Variants in ZDHHC21 observed in about 807,000 individuals in gnomAD.
The protein encoded by ZDHHC21 is palmitoyltransferase ZDHHC21.
A neutral mutation model predicts 34.6 loss-of-function variants in ZDHHC21; 15 were observed. That is an observed-to-expected ratio of 0.43 (90% CI 0.29 to 0.67). The LOEUF (loss-of-function observed/expected upper bound fraction) is 0.67. Ranked by LOEUF, ZDHHC21 falls within the 30% of genes least tolerant of loss-of-function variation. ZDHHC21 has a pLI of 0.14. For missense variants in ZDHHC21, 344 were observed against 327.7 expected, an observed-to-expected ratio of 1.05 and a Z score of -0.38; for synonymous variants, 142 against 101.8, an observed-to-expected ratio of 1.40 and a Z score of -2.38.
At chr9:14,671,825 A>G (rs1587366260) in intron 5 of ZDHHC21, among the ~76,000 whole-genome samples, 1 of 152,166 alleles carries the variant, frequency 6.6e-6, no homozygotes, top group African/African-American at 2.4e-5. Context: ...TCAATAAACC[A>G]TTTTTAAACA....
rs371576223 is a variant in ZDHHC21 at position 14,622,687 on chromosome 9, C to T, written c.622-3005G>A. The T allele has an allele frequency of 7.1e-6, 7 of 985,094 alleles. No individual in the cohort carries two copies. The South Asian group carries it at 2.4e-4, about 33-fold the overall frequency. 61.0% of individuals were successfully genotyped at this position (985,094 alleles called of 1,614,324 possible). ...AAGAATGTGCTGAAGAGTCCTTTGG[C>T]ACACCTGACAATCGCACATAAAGGA... On this transcript the variant is annotated intron_variant, in intron 8 of 9. Coordinates refer to ENST00000380916, the MANE Select transcript of ZDHHC21 (RefSeq NM_178566.6).
intron 6 of ZDHHC21, among the ~76,000 whole-genome samples, chr9:14,659,956 G>A (rs553531451): frequency 6.6e-5 from 10 of 152,286 alleles, no homozygotes; most frequent in South Asian, 4.1e-4. Flanking sequence ...CCTGTCCCCA[G>A]GAAGTTTGAG....
At chr9:14,667,335 A>C (rs1448839171) in intron 5 of ZDHHC21, among the ~76,000 whole-genome samples, 3 of 150,636 alleles carry the variant, frequency 2.0e-5, no homozygotes, top group Non-Finnish European at 4.5e-5. Flanking sequence ...GAATAACAGG[A>C]GCTGAAATTG....
rs75813856 is a variant in ZDHHC21 at position 14,625,410 on chromosome 9, T to C, written c.622-5728A>G. 5.9e-3 allele frequency among the ~76,000 whole-genome samples: 901 copies of C among 152,122 alleles called. 12 individuals are homozygous for C. Among genetic ancestry groups the C allele is most frequent in the African/African-American group, 0.021 (853 of 41,538 alleles). On this transcript the variant is annotated intron_variant, in intron 8 of 9. Transcript: ENST00000380916. ...ACAAAAGTGAGAAGGCAACAGATCTTATATTTATAGACACTGAAAATCTCT... is the reference window on the plus strand; with the variant it reads ...ACAAAAGTGAGAAGGCAACAGATCTCATATTTATAGACACTGAAAATCTCT...
At chr9:14,622,904 T>G (rs1825551369) in intron 8 of ZDHHC21, among the ~76,000 whole-genome samples, 1 of 152,110 alleles carries the variant, frequency 6.6e-6, no homozygotes, top group East Asian at 1.9e-4. Flanking sequence ...AATTATCCCC[T>G]GCATTCTTTA....
the ZDHHC21 span, among the ~76,000 whole-genome samples, chr9:14,596,456 C>G: frequency 2.0e-5 from 3 of 152,202 alleles, no homozygotes; most frequent in Admixed American, 6.5e-5. Flanking sequence ...AAACCTTCCA[C>G]ATACCTACAT....
chr9:14,611,008 G>A (rs989328981), downstream of ZDHHC21: 4 of 151,962 alleles, frequency 2.6e-5, no homozygotes, highest in Non-Finnish European at 5.9e-5. Context: ...CATTGGTAGT[G>A]CTGAAATCTA....
At chr9:14,629,898 T>C (rs1181224295) in intron 8 of ZDHHC21, among the ~76,000 whole-genome samples, 2 of 152,042 alleles carry the variant, frequency 1.3e-5, no homozygotes, top group Non-Finnish European at 2.9e-5. Context: ...AATACAAAAA[T>C]TAGCTGGCGT....
At position 14,616,983 on chromosome 9, in the gene ZDHHC21, T is replaced by C. The variant is rs1454697807; in HGVS notation, c.*1983A>G. The stretch of plus-strand genomic sequence containing the variant: ...CAGTACCCACTGCTACTACATGAAG[T>C]ATAAATTAGCCACAAAGTTCTTTAG... On this transcript the variant is annotated 3_prime_UTR_variant, in exon 10 of 10. Coordinates refer to ENST00000380916, the MANE Select transcript of ZDHHC21 (RefSeq NM_178566.6). The C allele has an allele frequency of 6.6e-6, 1 of 151,902 alleles. No individual in the cohort carries two copies. The highest frequency in any genetic ancestry group is 1.9e-4 in the East Asian group (1 of 5,166). 9.4% of individuals were successfully genotyped at this position (151,902 alleles called of 1,614,324 possible).
At chr9:14,588,960 A>G in the ZDHHC21 span, 2 of 152,158 alleles carry the variant, frequency 1.3e-5, no homozygotes, top group African/African-American at 4.8e-5. Context: ...AAATTGCTCT[A>G]TAAAAACAAA....
At chr9:14,660,484 C>T (rs1366401093) in intron 6 of ZDHHC21, among the ~76,000 whole-genome samples, 2 of 151,260 alleles carry the variant, frequency 1.3e-5, no homozygotes, top group Non-Finnish European at 2.9e-5. Context: ...TTAAGTAGTG[C>T]AATTTCTGAA....
chr9:14,627,359 T>C (rs1405690104), intron 8 of ZDHHC21, among the ~76,000 whole-genome samples: 3 of 152,168 alleles, frequency 2.0e-5, no homozygotes, highest in Non-Finnish European at 2.9e-5. Flanking sequence ...CTGAGTTAAA[T>C]ATGAGCCAGT....
intron 2 of ZDHHC21, among the ~76,000 whole-genome samples, chr9:14,681,668 C>T (rs192719377): frequency 2.6e-4 from 40 of 151,798 alleles, no homozygotes; most frequent in Middle Eastern, 6.8e-3. Context: ...CTGTTAACCC[C>T]GTGAGAAATG....
At chr9:14,622,804 T>G (rs578214907) in intron 8 of ZDHHC21, 1 of 929,946 alleles carries the variant, frequency 1.1e-6, no homozygotes, top group African/African-American at 1.8e-5. Context: ...AATTTCAAAA[T>G]GGAGTTTCTA....
At position 14,672,858 on chromosome 9, in the gene ZDHHC21, G is replaced by T. The variant is rs766787841; in HGVS notation, c.225C>A (p.Leu75=). The T allele has an allele frequency of 2.4e-5, 39 of 1,608,704 alleles. No homozygotes were observed. The highest frequency in any genetic ancestry group is 6.8e-6 in the Non-Finnish European group (8 of 1,176,574). Residue 75 remains leucine (L), a synonymous_variant, in exon 5 of 10, where the codon CTC becomes CTA. Transcript: ENST00000380916. ...CATGTGGGATCTTGGGGTTCTCAGGGAGTCTTCCTGGATCAGTTATGGAGG... is the reference window on the plus strand; with the variant it reads ...CATGTGGGATCTTGGGGTTCTCAGGTAGTCTTCCTGGATCAGTTATGGAGG... ...VRASITDPGR[L]PENPKIPHGE...
At chr9:14,602,888 C>T in the ZDHHC21 span, among the ~76,000 whole-genome samples, 2 of 130,432 alleles carry the variant, frequency 1.5e-5, no homozygotes. Context: ...CATGCCACTG[C>T]ATTCCAGCAG....
intron 2 of ZDHHC21, among the ~76,000 whole-genome samples, chr9:14,685,469 G>A (rs1838160417): frequency 6.6e-6 from 1 of 151,474 alleles, no homozygotes; most frequent in Non-Finnish European, 1.5e-5. Context: ...ATCATCACTG[G>A]CCATCAGAGA....
intron 8 of ZDHHC21, among the ~76,000 whole-genome samples, chr9:14,633,177 T>C (rs1015118485): frequency 6.6e-6 from 1 of 151,956 alleles, no homozygotes; most frequent in African/African-American, 2.4e-5. Context: ...AAATAGTGAG[T>C]AGATAATCAC....
At chr9:14,656,175 T>C (rs531943823) in intron 7 of ZDHHC21, among the ~76,000 whole-genome samples, 6 of 152,058 alleles carry the variant, frequency 3.9e-5, no homozygotes, top group East Asian at 3.9e-4. Flanking sequence ...TCAATGTATA[T>C]TGACTAACTA....
Sources: gnomAD v4.1 joint callset for allele counts (sites outside exome capture counted in the v4.1 genomes callset) on GRCh38, gnomAD v4.1.1 for gene constraint, MANE v1.5 for transcripts, NCBI Gene and HGNC (gene_info 2026-07-23, HGNC 2026-07-21) for gene names.